Variants in PIH1D2 observed in about 807,000 individuals in gnomAD.
PIH1D2 encodes PIH1 domain-containing protein 2.
PIH1D2 carries 25 observed loss-of-function variants against 31.2 expected under a neutral mutation model. That is an observed-to-expected ratio of 0.80 (90% CI 0.58 to 1.12). PIH1D2 has a LOEUF of 1.12. Among genes scored for constraint, PIH1D2 ranks in the 50% most tolerant of loss-of-function variants. PIH1D2 has a pLI of 0.00. For synonymous variants in PIH1D2, 116 were observed against 119.9 expected, an observed-to-expected ratio of 0.97 and a Z score of 0.21; for missense variants, 310 against 356.6, an observed-to-expected ratio of 0.87 and a Z score of 1.05.
chr11:112,055,694 C>T, the PIH1D2 span, among the ~76,000 whole-genome samples: 3 of 151,626 alleles, frequency 2.0e-5, no homozygotes, highest in African/African-American at 4.8e-5. Context: ...ATTCCTTTTC[C>T]GTGCTATGGC....
chr11:112,073,267 T>C lies in PIH1D2; in HGVS notation c.-31-62A>G, dbSNP rs906680360. ...GTGTAATTATTGATTCATTTCTGCT[T>C]TGGGGAGGTGGAATGGGTCAGGAAT... On this transcript the variant is annotated intron_variant, in intron 1 of 5. Coordinates refer to ENST00000280350, the MANE Select transcript of PIH1D2 (RefSeq NM_138789.4). 21 of 1,228,116 alleles carry C rather than the reference T, an allele frequency of 1.7e-5. No individual in the cohort carries two copies. The Admixed American group carries it at 5.1e-4, about 30-fold the overall frequency. 76.1% of individuals were successfully genotyped at this position (1,228,116 alleles called of 1,614,324 possible). A position where few individuals can be genotyped will look rare whatever the true frequency, so the allele number is the denominator to read the frequency against.
At chr11:112,060,771 C>T (rs587669644), downstream of PIH1D2, among the ~76,000 whole-genome samples, 10 of 152,186 alleles carry the variant, frequency 6.6e-5, no homozygotes, top group South Asian at 1.5e-3. Flanking sequence ...TGGCCTGCCA[C>T]GTAACTCTTA....
At chr11:112,069,823 T>C (rs1566654462) in intron 5 of PIH1D2, 1 of 152,772 alleles carries the variant, frequency 6.5e-6, no homozygotes, top group Non-Finnish European at 1.5e-5. Context: ...ATTTTTCCCA[T>C]TTCTGAATTG....
chr11:112,065,629 AAGG>A (rs1164208757), downstream of PIH1D2, among the ~76,000 whole-genome samples: 4 of 152,310 alleles, frequency 2.6e-5, no homozygotes, highest in East Asian at 3.9e-4. Context: ...GGCCTTCAAA[AAGG>A]AGATTTGAGG....
downstream of PIH1D2, chr11:112,060,107 G>A: frequency 6.4e-7 from 1 of 1,556,664 alleles, no homozygotes; most frequent in Non-Finnish European, 8.8e-7. Context: ...TTATTTTTAA[G>A]GTTTGCATAA....
chr11:112,070,734 AAAT>A, intron 4 of PIH1D2, 33 bp from the exon 5 acceptor site: 1 of 1,593,068 alleles, frequency 6.3e-7, no homozygotes, highest in Non-Finnish European at 8.6e-7. Flanking sequence ...GGGAGATAAA[AAAT>A]AAATCTACAA....
chr11:112,054,586 A>G, the PIH1D2 span, among the ~76,000 whole-genome samples: 2 of 152,202 alleles, frequency 1.3e-5, no homozygotes, highest in South Asian at 2.1e-4. Flanking sequence ...AATCTGATCA[A>G]ACCTATTGGG....
downstream of PIH1D2, chr11:112,061,239 G>T: frequency 6.3e-7 from 1 of 1,582,724 alleles, no homozygotes. Context: ...TTGTCCTGTG[G>T]TATCCTCAGG....
rs933853243 is a variant in PIH1D2, at chr11:112,073,085, A to G, written c.90T>C (p.Tyr30=). ...DDLAQSDPEG[Y]EKFIQQQLKE... is the part of the protein sequence containing the mutation. Reference sequence around the variant, plus strand: ...TCAGCTGCTGCTGAATAAACTTCTCATAGCCCTCAGGGTCACTCTGAGCTA... The same window carrying G: ...TCAGCTGCTGCTGAATAAACTTCTCGTAGCCCTCAGGGTCACTCTGAGCTA... Residue 30 remains tyrosine, a synonymous_variant, in exon 2 of 6, where the codon TAT becomes TAC. Transcript: ENST00000280350. 2.5e-6 allele frequency: 4 copies of G among 1,614,036 alleles called. No homozygotes were observed. The highest frequency in any genetic ancestry group is 1.7e-5 in the Admixed American group (1 of 60,006).
chr11:112,059,717 A>C (rs1864425476), downstream of PIH1D2, among the ~76,000 whole-genome samples: 1 of 152,116 alleles, frequency 6.6e-6, no homozygotes, highest in Admixed American at 6.6e-5. Context: ...TAATAACTAC[A>C]AGTCAAGGAG....
chr11:112,062,564 G>A (rs782480719), downstream of PIH1D2: 7 of 1,609,420 alleles, frequency 4.3e-6, no homozygotes, highest in Non-Finnish European at 5.1e-6. Context: ...AACTCTCCCA[G>A]GTCACACTGA....
At chr11:112,066,632 C>T (rs587675406), downstream of PIH1D2, among the ~76,000 whole-genome samples, 2 of 75,576 alleles carry the variant, frequency 2.6e-5, no homozygotes, top group Admixed American at 1.4e-4. Context: ...AGCAAGATTC[C>T]GTCTCAAAAA....
In PIH1D2 at chr11:112,067,930, T is replaced by C. The variant is rs1555184046; in HGVS notation, c.889A>G (p.Thr297Ala). 6.2e-7 allele frequency: 1 copy of C among 1,610,320 alleles called. No individual in the cohort carries two copies. Among genetic ancestry groups the C allele is most frequent in the Non-Finnish European group, 8.5e-7 (1 of 1,177,122 alleles). The change falls in exon 6 of 6, where the codon ACC (threonine) becomes GCC (alanine). Residue 297 changes from threonine to alanine, a missense_variant. Transcript: ENST00000280350. ...NLPKLIDTEM[T>A]TAKFIKEKST... ...TTTTCTTTGATAAATTTTGCTGTGG[T>C]CATTTCAGTATCAATAAGTTTTGGA...
downstream of PIH1D2, among the ~76,000 whole-genome samples, chr11:112,061,969 C>G (rs1864658634): frequency 6.6e-6 from 1 of 152,120 alleles, no homozygotes; most frequent in Non-Finnish European, 1.5e-5. Context: ...CGAAATTCTT[C>G]AAGGCAGCAA....
rs1865200597 is a variant in PIH1D2 at position 112,073,161 on chromosome 11, G to A, written c.14C>T (p.Ser5Leu). The A allele has an allele frequency of 1.2e-6, 2 of 1,612,006 alleles. No homozygotes were observed. Among genetic ancestry groups the A allele is most frequent in the Non-Finnish European group, 1.7e-6 (2 of 1,178,594 alleles). ...AGTAACTTGGGTAAGCAGACCTTTT[G>A]AGGATGTCTCCATGACTTATGAGTG... METS[S>L]KGLLTQVTQF... The change falls in exon 2 of 6, where the codon TCA (serine) becomes TTA (leucine). Residue 5 changes from serine to leucine, a missense_variant. By Grantham distance (145) the Ser-to-Leu change is moderately radical (BLOSUM62 -2). Transcript: ENST00000280350.
intron 4 of PIH1D2, 85 bp downstream of exon 4, chr11:112,070,953 T>C (rs1566656617): frequency 5.6e-6 from 8 of 1,423,858 alleles, no homozygotes; most frequent in Non-Finnish European, 7.5e-6. Flanking sequence ...CCTTTTAAAA[T>C]AGAGATTTCT....
chr11:112,061,785 A>T (rs782790242), downstream of PIH1D2, among the ~76,000 whole-genome samples: 1 of 152,126 alleles, frequency 6.6e-6, no homozygotes, highest in Non-Finnish European at 1.5e-5. Context: ...TTGTTTCACC[A>T]TGTAGGCCAG....
intron 4 of PIH1D2, 55 bp downstream of exon 4, chr11:112,070,983 G>C: frequency 1.3e-6 from 2 of 1,559,868 alleles, no homozygotes; most frequent in Non-Finnish European, 1.7e-6. Flanking sequence ...AATGTATACA[G>C]GATCCAAAAA....
downstream of PIH1D2, chr11:112,063,593 A>G (rs1864773622): frequency 6.6e-6 from 1 of 152,498 alleles, no homozygotes; most frequent in African/African-American, 2.4e-5. Context: ...TGATAAAGTA[A>G]AAAAGTTAAA....
Sources: allele counts gnomAD v4.1 joint callset (sites outside exome capture counted in the v4.1 genomes callset), GRCh38; gene constraint gnomAD v4.1.1; transcripts MANE v1.5; gene names NCBI Gene and HGNC (gene_info 2026-07-23, HGNC 2026-07-21).